RGS6: variants seen among roughly 807,000 people sequenced by gnomAD.
The protein encoded by RGS6 is regulator of G-protein signaling 6.
Under a neutral mutation model 78.5 loss-of-function variants are expected in RGS6, and 30 were observed. The observed-to-expected ratio is 0.38, with a 90% CI of 0.29 to 0.52. RGS6 has a LOEUF of 0.52. Ranked by LOEUF, RGS6 falls within the 20% of genes least tolerant of loss-of-function variation. The probability of loss-of-function intolerance (pLI) is 0.85; values close to 1 mark genes in which losing one functional copy is unlikely to be tolerated. For synonymous variants in RGS6, 206 were observed against 206.0 expected (o/e 1.00, Z 0.00); for missense variants, 495 against 609.7 (o/e 0.81, Z 1.98).
chr14:72,358,919 T>C (rs2080914670), intron 3 of RGS6, among the ~76,000 whole-genome samples: 2 of 152,206 alleles, frequency 1.3e-5, no homozygotes, highest in Admixed American at 6.5e-5. Flanking sequence ...ATAGTCCCCA[T>C]GAGTCTTGGG....
intron 2 of RGS6, among the ~76,000 whole-genome samples, chr14:71,993,001 G>T (rs970268376): frequency 6.6e-6 from 1 of 152,070 alleles, no homozygotes; most frequent in Non-Finnish European, 1.5e-5. Context: ...GGACTTCTGT[G>T]GTTTTTAAGT....
At chr14:71,886,924 G>T in the RGS6 span, among the ~76,000 whole-genome samples, 7 of 152,156 alleles carry the variant, frequency 4.6e-5, no homozygotes. Flanking sequence ...GGCCGAGGCG[G>T]GTGGATCACG....
intron 2 of RGS6, among the ~76,000 whole-genome samples, chr14:72,102,693 G>T (rs796589855): frequency 6.6e-6 from 1 of 152,070 alleles, no homozygotes; most frequent in Non-Finnish European, 1.5e-5. Context: ...GTTTTCACAC[G>T]TACACAATGA....
chr14:72,256,427 T>TG (rs1187909492), intron 2 of RGS6, among the ~76,000 whole-genome samples: 2 of 152,158 alleles, frequency 1.3e-5, no homozygotes, highest in East Asian at 1.9e-4. Context: ...AGGAGCAATT[T>TG]GGGGGCATTA....
At chr14:72,496,288 T>C (rs996879270) in intron 13 of RGS6, among the ~76,000 whole-genome samples, 1 of 152,124 alleles carries the variant, frequency 6.6e-6, no homozygotes. Context: ...CACTGGATAG[T>C]CCAAATTTTT....
At chr14:72,529,431 C>T (rs758164122) in intron 15 of RGS6, among the ~76,000 whole-genome samples, 12 of 152,124 alleles carry the variant, frequency 7.9e-5, no homozygotes, top group Non-Finnish European at 1.2e-4. Context: ...AGGTTGTGTT[C>T]TTATTCTCTT....
intron 2 of RGS6, among the ~76,000 whole-genome samples, chr14:72,112,334 C>T (rs1240564032): frequency 6.6e-6 from 1 of 152,144 alleles, no homozygotes. Flanking sequence ...TGCGTGCTCC[C>T]CATATTAGGC....
chr14:72,196,966 C>T (rs1004890888), intron 2 of RGS6, among the ~76,000 whole-genome samples: 1 of 152,178 alleles, frequency 6.6e-6, no homozygotes, highest in Non-Finnish European at 1.5e-5. Flanking sequence ...ACATTTTGAC[C>T]TCTTGTTGGA....
intron 3 of RGS6, among the ~76,000 whole-genome samples, chr14:72,399,932 T>G (rs948127349): frequency 6.6e-6 from 1 of 152,152 alleles, no homozygotes; most frequent in African/African-American, 2.4e-5. Context: ...TGAAAGTGAC[T>G]GGGAGAATGG....
Position 72,540,680 on chromosome 14 carries a change from C to T in RGS6, c.1422+586C>T. 8.7e-6 allele frequency: 12 copies of T among 1,378,168 alleles called. 1 individual carries two copies. The highest frequency in any genetic ancestry group is 1.1e-5 in the South Asian group (1 of 88,014). 85.4% of individuals were successfully genotyped at this position (1,378,168 alleles called of 1,614,324 possible). On this transcript the variant is annotated intron_variant, in intron 17 of 17. Coordinates refer to ENST00000553525, the MANE Select transcript of RGS6 (RefSeq NM_001204424.2). ...CTCTGCATGAGTCCCTTCCAGCCCC[C>T]ATCAGCCTCATGTGCACAGTGTGAT... is the stretch of plus-strand genomic sequence containing the variant.
At chr14:72,091,140 C>CTT (rs2095256358) in intron 2 of RGS6, among the ~76,000 whole-genome samples, 1 of 151,446 alleles carries the variant, frequency 6.6e-6, no homozygotes, top group Non-Finnish European at 1.5e-5. Flanking sequence ...CTGGCTGTCT[C>CTT]CACAGATCTG....
intron 7 of RGS6, 181 bp from the exon 8 acceptor site, chr14:72,469,826 C>G (rs866249971): frequency 1.7e-6 from 1 of 575,028 alleles, no homozygotes; most frequent in East Asian, 2.9e-5. Context: ...ATTAATAGTT[C>G]AGCTCTGTAC....
At chr14:72,313,968 T>G (rs1169717407) in intron 2 of RGS6, among the ~76,000 whole-genome samples, 1 of 152,258 alleles carries the variant, frequency 6.6e-6, no homozygotes, top group Non-Finnish European at 1.5e-5. Context: ...AAACCTTTTC[T>G]GTGCCCTTAT....
chr14:72,106,459 A>G (rs892259585), intron 2 of RGS6, among the ~76,000 whole-genome samples: 1 of 152,150 alleles, frequency 6.6e-6, no homozygotes. Context: ...CTTAGCATGA[A>G]CTAGTATGAG....
At chr14:72,103,521 G>A (rs1487052312) in intron 2 of RGS6, among the ~76,000 whole-genome samples, 1 of 152,100 alleles carries the variant, frequency 6.6e-6, no homozygotes, top group African/African-American at 2.4e-5. Context: ...CCACCTTCTT[G>A]TTCTCCTGAA....
intron 14 of RGS6, among the ~76,000 whole-genome samples, chr14:72,517,479 C>T (rs1042960135): frequency 1.9e-5 from 2 of 103,948 alleles, no homozygotes; most frequent in African/African-American, 5.4e-5. Context: ...AAAGAGCTCA[C>T]TGCTCCCATG....
At chr14:71,889,871 T>C in the RGS6 span, among the ~76,000 whole-genome samples, 1 of 152,162 alleles carries the variant, frequency 6.6e-6, no homozygotes, top group Non-Finnish European at 1.5e-5. Context: ...TCCTAAGATC[T>C]AGTTGTTTAA....
intron 3 of RGS6, among the ~76,000 whole-genome samples, chr14:72,381,122 T>G (rs902194573): frequency 1.3e-5 from 2 of 151,918 alleles, no homozygotes; most frequent in African/African-American, 4.8e-5. Context: ...AATATTGATC[T>G]CATAGAAGTA....
At chr14:72,348,337 C>T (rs1287664784) in intron 2 of RGS6, among the ~76,000 whole-genome samples, 2 of 152,196 alleles carry the variant, frequency 1.3e-5, no homozygotes, top group Non-Finnish European at 2.9e-5. Context: ...TTCTAAGCCT[C>T]AATTTCAATG....
Sources: allele counts gnomAD v4.1 joint callset (sites outside exome capture counted in the v4.1 genomes callset), GRCh38; gene constraint gnomAD v4.1.1; transcripts MANE v1.5; gene names NCBI Gene and HGNC (gene_info 2026-07-23, HGNC 2026-07-21).